Variants in NRXN1 observed in about 807,000 individuals in gnomAD.
NRXN1 encodes the protein neurexin-1.
A neutral mutation model predicts 150.9 loss-of-function variants in NRXN1; 39 were observed. That is an observed-to-expected ratio of 0.26 (90% CI 0.20 to 0.34). The LOEUF is 0.34. NRXN1 is among the 10% of genes least tolerant of loss of function. The pLI, the probability that NRXN1 is intolerant of heterozygous loss-of-function variation, is 1.00. For synonymous variants in NRXN1, 924 were observed against 757.0 expected (o/e 1.22, Z -3.62); for missense variants, 1,815 against 1,949.9 (o/e 0.93, Z 1.30).
At chr2:50,719,308 G>A (rs2105106336) in intron 5 of NRXN1, among the ~76,000 whole-genome samples, 1 of 151,254 alleles carries the variant, frequency 6.6e-6, no homozygotes, top group African/African-American at 2.4e-5. Context: ...AGTATCATCA[G>A]TATATTCAAG....
rs950817645 is a variant in NRXN1 at position 50,695,406 on chromosome 2, G to A, written c.833-71791C>T. Among the ~76,000 whole-genome samples, 16 of 152,266 alleles carry A rather than the reference G, an allele frequency of 1.1e-4. No individual in the cohort carries two copies. In the East Asian group the frequency reaches 2.9e-3, roughly 28 times the overall value. On this transcript the variant is annotated intron_variant, in intron 5 of 22. Coordinates refer to ENST00000401669, the MANE Select transcript of NRXN1 (RefSeq NM_001330078.2). ...GGTGCATCATATAACATAAAGTGGT[G>A]TACCTTATGTCATATGCTCCAGGTA... is the stretch of plus-strand genomic sequence containing the variant.
At chr2:50,741,129 C>G (rs1450624349) in intron 5 of NRXN1, among the ~76,000 whole-genome samples, 1 of 152,086 alleles carries the variant, frequency 6.6e-6, no homozygotes. Context: ...AAAAAAAGAT[C>G]AAAATTGTCC....
intron 15 of NRXN1, among the ~76,000 whole-genome samples, chr2:50,493,757 A>G (rs1335857318): frequency 2.6e-5 from 4 of 152,210 alleles, no homozygotes; most frequent in Non-Finnish European, 5.9e-5. Flanking sequence ...ACTTGCTCTT[A>G]CTTTTCTGCA....
intron 18 of NRXN1, among the ~76,000 whole-genome samples, chr2:50,142,454 G>C (rs1240609719): frequency 1.3e-5 from 2 of 151,822 alleles, no homozygotes; most frequent in Non-Finnish European, 2.9e-5. Flanking sequence ...ATAGCTAGAA[G>C]AGAGGATTTG....
At chr2:50,074,360 G>C (rs2152673629) in intron 19 of NRXN1, among the ~76,000 whole-genome samples, 1 of 151,926 alleles carries the variant, frequency 6.6e-6, no homozygotes, top group East Asian at 1.9e-4. Flanking sequence ...TATAACACAA[G>C]ATTTATGGAA....
At chr2:50,769,861 G>A (rs940108855) in intron 5 of NRXN1, among the ~76,000 whole-genome samples, 6 of 152,024 alleles carry the variant, frequency 3.9e-5, no homozygotes, top group African/African-American at 1.4e-4. Flanking sequence ...AGAAAAATTC[G>A]TTCAGCATCA....
intron 5 of NRXN1, among the ~76,000 whole-genome samples, chr2:50,739,739 G>A (rs1448874932): frequency 6.6e-6 from 1 of 152,154 alleles, no homozygotes; most frequent in Non-Finnish European, 1.5e-5. Context: ...TTTATAGGAA[G>A]TATCACAGAT....
intron 5 of NRXN1, among the ~76,000 whole-genome samples, chr2:50,722,504 A>C (rs1322973110): frequency 2.0e-5 from 3 of 152,176 alleles, no homozygotes; most frequent in African/African-American, 7.2e-5. Context: ...TACGTTTCAT[A>C]TACATTGTTT....
chr2:50,090,098 G>GT lies in NRXN1; in HGVS notation c.3718+1224dup, dbSNP rs539236391. Among the ~76,000 whole-genome samples the GT allele has an allele frequency of 1.3e-3, 197 of 152,250 alleles. 5 individuals are homozygous for GT. In the South Asian group the frequency reaches 0.035, roughly 27 times the overall value. Reference sequence around the variant, plus strand: ...TGCTTCCTAACTTTGTCATAGAGCAGTTTTTTTATTACATTTAATTCAGCA... The same window carrying GT: ...TGCTTCCTAACTTTGTCATAGAGCAGTTTTTTTTATTACATTTAATTCAGCA... On this transcript the variant is annotated intron_variant, in intron 19 of 22. Coordinates refer to ENST00000401669, the MANE Select transcript of NRXN1 (RefSeq NM_001330078.2).
intron 18 of NRXN1, among the ~76,000 whole-genome samples, chr2:50,221,724 C>T (rs1026916982): frequency 2.0e-5 from 3 of 151,836 alleles, no homozygotes; most frequent in Non-Finnish European, 4.4e-5. Flanking sequence ...ATCTTTTTTC[C>T]ACTACTGAAC....
At chr2:50,390,558 G>A (rs1219922834) in intron 17 of NRXN1, among the ~76,000 whole-genome samples, 2 of 152,150 alleles carry the variant, frequency 1.3e-5, no homozygotes, top group African/African-American at 2.4e-5. Flanking sequence ...TGGTTTGACT[G>A]TGTTCCCCAA....
At chr2:50,723,896 T>C (rs543495156) in intron 5 of NRXN1, among the ~76,000 whole-genome samples, 22 of 152,322 alleles carry the variant, frequency 1.4e-4, no homozygotes, top group African/African-American at 5.3e-4. Flanking sequence ...CATCCTAATT[T>C]ATACATGCTC....
chr2:50,126,442 A>G (rs1440124803), intron 18 of NRXN1, among the ~76,000 whole-genome samples: 2 of 152,100 alleles, frequency 1.3e-5, no homozygotes, highest in African/African-American at 4.8e-5. Flanking sequence ...GTTGAGAAAA[A>G]TAATTGGTAC....
At chr2:50,276,695 C>T (rs1279319061) in intron 17 of NRXN1, among the ~76,000 whole-genome samples, 1 of 152,136 alleles carries the variant, frequency 6.6e-6, no homozygotes, top group Admixed American at 6.5e-5. Flanking sequence ...GAAAACTTGA[C>T]AACATTGTAA....
At chr2:50,455,051 T>C (rs2087407392) in intron 17 of NRXN1, among the ~76,000 whole-genome samples, 1 of 152,154 alleles carries the variant, frequency 6.6e-6, no homozygotes, top group Admixed American at 6.6e-5. Flanking sequence ...AGGTATTGAC[T>C]ACACCAGTGT....
At chr2:50,251,007 T>A (rs561282646) in intron 17 of NRXN1, among the ~76,000 whole-genome samples, 2,745 of 101,950 alleles carry the variant, frequency 0.027, 94 homozygotes, top group African/African-American at 0.092. Flanking sequence ...ACATTGCATA[T>A]GTGTAATATT....
intron 2 of NRXN1, among the ~76,000 whole-genome samples, chr2:51,000,360 T>G (rs1370037374): frequency 6.6e-6 from 1 of 152,026 alleles, no homozygotes; most frequent in Admixed American, 6.6e-5. Context: ...TCCTATTGAT[T>G]TCTTTATTAT....
chr2:50,165,576 T>G (rs987865259), intron 18 of NRXN1, among the ~76,000 whole-genome samples: 3 of 152,092 alleles, frequency 2.0e-5, no homozygotes, highest in African/African-American at 7.2e-5. Flanking sequence ...CTCCAACTCC[T>G]GACCTCAGGT....
At chr2:50,653,305 T>G (rs189551233) in intron 5 of NRXN1, among the ~76,000 whole-genome samples, 4 of 152,194 alleles carry the variant, frequency 2.6e-5, no homozygotes, top group East Asian at 1.9e-4. Flanking sequence ...TCTATATTCA[T>G]GCCCATAGAA....
Sources: allele counts gnomAD v4.1 joint callset (sites outside exome capture counted in the v4.1 genomes callset), GRCh38; gene constraint gnomAD v4.1.1; transcripts MANE v1.5; gene names NCBI Gene and HGNC (gene_info 2026-07-23, HGNC 2026-07-21).